Variants in SCD5 observed in about 807,000 individuals in gnomAD.
SCD5 encodes the protein acyl-CoA-desaturase 4.
SCD5 carries 20 observed loss-of-function variants against 30.4 expected under a neutral mutation model. The ratio of observed to expected loss-of-function variants is 0.66; its 90% CI spans 0.46 to 0.96. SCD5 has a LOEUF of 0.96. Ranked by LOEUF, SCD5 falls within the 40% of genes least tolerant of loss-of-function variation. SCD5 has a pLI of 0.00. For synonymous variants in SCD5, 173 were observed against 176.4 expected, an observed-to-expected ratio of 0.98 and a Z score of 0.16; for missense variants, 381 against 443.3, an observed-to-expected ratio of 0.86 and a Z score of 1.26.
intron 2 of SCD5, among the ~76,000 whole-genome samples, chr4:82,693,525 A>G (rs1330097111): frequency 1.3e-5 from 2 of 152,142 alleles, no homozygotes; most frequent in Non-Finnish European, 1.5e-5. Context: ...GTAGCCAGAG[A>G]GAGCTTATTG....
At chr4:82,721,664 G>A (rs1720371943) in intron 1 of SCD5, among the ~76,000 whole-genome samples, 1 of 152,194 alleles carries the variant, frequency 6.6e-6, no homozygotes, top group Non-Finnish European at 1.5e-5. Flanking sequence ...CCATCTATAA[G>A]CGAAGGAGAG....
intron 1 of SCD5, among the ~76,000 whole-genome samples, chr4:82,756,355 C>A (rs1363618962): frequency 6.6e-6 from 1 of 152,148 alleles, no homozygotes; most frequent in Non-Finnish European, 1.5e-5. Flanking sequence ...GGCTGTGAGT[C>A]CCAGTTGGTT....
intron 1 of SCD5, among the ~76,000 whole-genome samples, chr4:82,758,129 A>G (rs1286998740): frequency 5.3e-5 from 8 of 152,216 alleles, no homozygotes. Flanking sequence ...GTGAATCCAG[A>G]GCAAGCTGTT....
At chr4:82,795,409 C>T (rs1212746633) in intron 1 of SCD5, among the ~76,000 whole-genome samples, 1 of 152,176 alleles carries the variant, frequency 6.6e-6, no homozygotes, top group African/African-American at 2.4e-5. Context: ...GATCAAGGCA[C>T]CAGGGCTTTC....
chr4:82,734,827 C>T (rs1199097938), intron 1 of SCD5, among the ~76,000 whole-genome samples: 1 of 150,354 alleles, frequency 6.7e-6, no homozygotes, highest in South Asian at 2.1e-4. Flanking sequence ...TGCAGTGGCA[C>T]GTTCTCGGCT....
At chr4:82,788,473 C>G (rs1445255444) in intron 1 of SCD5, among the ~76,000 whole-genome samples, 1 of 152,214 alleles carries the variant, frequency 6.6e-6, no homozygotes, top group Non-Finnish European at 1.5e-5. Flanking sequence ...TCACTGCAAC[C>G]TCTGCCTCCT....
At chr4:82,632,283 G>A (rs1187800079) in intron 4 of SCD5, among the ~76,000 whole-genome samples, 1 of 151,252 alleles carries the variant, frequency 6.6e-6, no homozygotes, top group African/African-American at 2.4e-5. Flanking sequence ...AGAACATGCG[G>A]TGTTTGGTTT....
At chr4:82,754,345 A>T (rs1327512744) in intron 1 of SCD5, among the ~76,000 whole-genome samples, 1 of 152,218 alleles carries the variant, frequency 6.6e-6, no homozygotes, top group Middle Eastern at 3.2e-3. Flanking sequence ...AAAAGCAGCT[A>T]AATCTTCTGA....
chr4:82,733,031 C>T (rs1487572483), intron 1 of SCD5, among the ~76,000 whole-genome samples: 1 of 152,142 alleles, frequency 6.6e-6, no homozygotes, highest in Non-Finnish European at 1.5e-5. Context: ...CAGCCACTGT[C>T]CTAGGGACTT....
chr4:82,715,969 C>T (rs1720217377), intron 1 of SCD5, among the ~76,000 whole-genome samples: 1 of 151,682 alleles, frequency 6.6e-6, no homozygotes, highest in East Asian at 1.9e-4. Context: ...TTGGAGCTGT[C>T]AATTGTGTAA....
chr4:82,635,689 T>A lies in SCD5; in HGVS notation c.802+902A>T, dbSNP rs551831180. Among the ~76,000 whole-genome samples, 3 of 150,416 alleles carry A rather than the reference T, an allele frequency of 2.0e-5. No homozygotes were observed. In the East Asian group the frequency reaches 5.9e-4, roughly 30 times the overall value. On this transcript the variant is annotated intron_variant, in intron 4 of 4. Transcript: ENST00000319540. ...CAAGCACTGGTAGGAACACTCTGTA[T>A]CAACTCATTTAGCCCTCTAATGACC...
At chr4:82,796,796 G>A (rs909241608) in intron 1 of SCD5, among the ~76,000 whole-genome samples, 2 of 152,146 alleles carry the variant, frequency 1.3e-5, no homozygotes, top group African/African-American at 2.4e-5. Context: ...GGCTTTGGTT[G>A]GCAGTGTCGG....
At chr4:82,762,873 C>A (rs1272304306) in intron 1 of SCD5, among the ~76,000 whole-genome samples, 2 of 152,208 alleles carry the variant, frequency 1.3e-5, no homozygotes, top group Admixed American at 1.3e-4. Flanking sequence ...ACAGTAGAAG[C>A]AACTCAGGAT....
intron 1 of SCD5, among the ~76,000 whole-genome samples, chr4:82,735,377 T>C (rs770446570): frequency 6.6e-6 from 1 of 152,150 alleles, no homozygotes; most frequent in Non-Finnish European, 1.5e-5. Context: ...CTGTCCAAGG[T>C]TGGGTACCAC....
At chr4:82,636,350 C>T (rs1727428754) in intron 4 of SCD5, among the ~76,000 whole-genome samples, 1 of 151,708 alleles carries the variant, frequency 6.6e-6, no homozygotes, top group Non-Finnish European at 1.5e-5. Context: ...CCTCAGGAGG[C>T]TGAGGCAGGA....
chr4:82,730,609 G>T (rs1720617499), intron 1 of SCD5, among the ~76,000 whole-genome samples: 1 of 115,774 alleles, frequency 8.6e-6, no homozygotes, highest in Non-Finnish European at 1.7e-5. Context: ...TTTTTTAGAA[G>T]GAGTCTCACT....
chr4:82,727,957 C>T (rs904027168), intron 1 of SCD5, among the ~76,000 whole-genome samples: 3 of 152,116 alleles, frequency 2.0e-5, no homozygotes, highest in African/African-American at 7.2e-5. Flanking sequence ...ATCTGCCCGC[C>T]TCGGCCCTCC....
chr4:82,638,245 C>T (rs1017455604), intron 3 of SCD5, among the ~76,000 whole-genome samples: 1 of 152,070 alleles, frequency 6.6e-6, no homozygotes, highest in African/African-American at 2.4e-5. Context: ...TTTTACCCTT[C>T]TCCTATGCAC....
At chr4:82,768,213 G>A (rs574618865) in intron 1 of SCD5, among the ~76,000 whole-genome samples, 1 of 152,286 alleles carries the variant, frequency 6.6e-6, no homozygotes, top group East Asian at 1.9e-4. Flanking sequence ...ACTTATAGAT[G>A]AGGGAACTGA....
Sources: gnomAD v4.1 joint callset for allele counts (sites outside exome capture counted in the v4.1 genomes callset) on GRCh38, gnomAD v4.1.1 for gene constraint, MANE v1.5 for transcripts, NCBI Gene and HGNC (gene_info 2026-07-23, HGNC 2026-07-21) for gene names.